CFAP299: variants seen among roughly 807,000 people sequenced by gnomAD.
CFAP299 encodes cilia and flagella associated protein 299, also known as cilia- and flagella-associated protein 299.
A neutral mutation model predicts 27.0 loss-of-function variants in CFAP299; 21 were observed. The ratio of observed to expected loss-of-function variants is 0.78; its 90% CI spans 0.55 to 1.12. The LOEUF is 1.12. Ranked by LOEUF, CFAP299 falls within the 50% of genes most tolerant of loss-of-function variation. The pLI, the probability that CFAP299 is intolerant of heterozygous loss-of-function variation, is 0.00. For missense variants in CFAP299, 310 were observed against 276.6 expected (o/e 1.12, Z -0.86); for synonymous variants, 104 against 98.1 (o/e 1.06, Z -0.36).
chr4:80,541,125 A>G (rs920349261), intron 2 of CFAP299, among the ~76,000 whole-genome samples: 2 of 133,522 alleles, frequency 1.5e-5, no homozygotes, highest in African/African-American at 7.1e-5. Flanking sequence ...ATACTATTTT[A>G]TGTGATTTAG....
intron 5 of CFAP299, among the ~76,000 whole-genome samples, chr4:80,958,595 T>C (rs1738181942): frequency 6.6e-6 from 1 of 152,152 alleles, no homozygotes; most frequent in Non-Finnish European, 1.5e-5. Flanking sequence ...TTCTTATTTA[T>C]CTGAAAAATG....
At chr4:80,520,185 A>G (rs1260129918) in intron 2 of CFAP299, among the ~76,000 whole-genome samples, 1 of 152,166 alleles carries the variant, frequency 6.6e-6, no homozygotes, top group East Asian at 1.9e-4. Context: ...CTAATGGGCT[A>G]ACTTATTTTA....
At chr4:80,950,255 C>T (rs546905911) in intron 5 of CFAP299, among the ~76,000 whole-genome samples, 1 of 150,034 alleles carries the variant, frequency 6.7e-6, no homozygotes, top group South Asian at 2.1e-4. Flanking sequence ...TTCCCTCCAC[C>T]CCCCCCCTTT....
At chr4:80,467,177 G>A (rs943308082) in intron 2 of CFAP299, among the ~76,000 whole-genome samples, 4 of 152,124 alleles carry the variant, frequency 2.6e-5, no homozygotes, top group Non-Finnish European at 5.9e-5. Flanking sequence ...TCTCATATTT[G>A]TTGTCTGCTA....
chr4:80,751,633 G>A (rs1320065523), intron 3 of CFAP299, among the ~76,000 whole-genome samples: 1 of 152,158 alleles, frequency 6.6e-6, no homozygotes, highest in Non-Finnish European at 1.5e-5. Flanking sequence ...AGGCAGCTGT[G>A]CTGTTGTGGG....
At chr4:80,660,257 A>G (rs1168165461) in intron 3 of CFAP299, among the ~76,000 whole-genome samples, 1 of 152,176 alleles carries the variant, frequency 6.6e-6, no homozygotes, top group Admixed American at 6.5e-5. Context: ...CAACAAATCA[A>G]TAGCATAGAA....
intron 2 of CFAP299, among the ~76,000 whole-genome samples, chr4:80,486,617 G>A (rs1168160870): frequency 1.3e-5 from 2 of 152,176 alleles, no homozygotes; most frequent in Non-Finnish European, 1.5e-5. Flanking sequence ...CTCTCACCCC[G>A]TTAGGGTTCT....
At chr4:80,688,861 G>T (rs1398149379) in intron 3 of CFAP299, among the ~76,000 whole-genome samples, 69 of 152,114 alleles carry the variant, frequency 4.5e-4, no homozygotes, top group African/African-American at 1.6e-3. Flanking sequence ...AGCTGATGGA[G>T]CTGAAAACCA....
intron 2 of CFAP299, among the ~76,000 whole-genome samples, chr4:80,429,100 C>T (rs544943898): frequency 1.9e-4 from 29 of 152,272 alleles, no homozygotes; most frequent in African/African-American, 6.0e-4. Flanking sequence ...CTTTCTCTGG[C>T]AAATTGCCTG....
rs1308761965 is a variant in CFAP299, at chr4:80,386,707, G to T, written c.242+23823G>T. On this transcript the variant is annotated intron_variant, in intron 2 of 5. Transcript: ENST00000358105. ...GGCTGAAGGACCTGCTGCACAGGGC[G>T]CATTTGTGGAGCTTCATGCCGGAGT... is the stretch of plus-strand genomic sequence containing the variant. 8 of 1,573,746 alleles carry T rather than the reference G, an allele frequency of 5.1e-6. No homozygotes were observed. The African/African-American group carries it at 8.1e-5, about 16-fold the overall frequency.
chr4:80,793,370 T>G (rs912774454), intron 3 of CFAP299, among the ~76,000 whole-genome samples: 1 of 152,096 alleles, frequency 6.6e-6, no homozygotes, highest in East Asian at 1.9e-4. Flanking sequence ...GATTAGATGG[T>G]GCCCACCCAG....
intron 3 of CFAP299, among the ~76,000 whole-genome samples, chr4:80,585,921 T>C (rs1310161445): frequency 1.3e-5 from 2 of 152,204 alleles, no homozygotes; most frequent in Non-Finnish European, 2.9e-5. Flanking sequence ...CTTGTTTTTA[T>C]GTAAGAAATA....
intron 3 of CFAP299, among the ~76,000 whole-genome samples, chr4:80,811,986 A>G (rs960497579): frequency 3.9e-5 from 6 of 152,142 alleles, no homozygotes; most frequent in Non-Finnish European, 7.4e-5. Context: ...AAAAGAAGCT[A>G]AAAGCCAAAA....
intron 2 of CFAP299, among the ~76,000 whole-genome samples, chr4:80,461,278 G>A (rs1176325713): frequency 6.6e-6 from 1 of 152,056 alleles, no homozygotes; most frequent in Admixed American, 6.6e-5. Context: ...GAAAAAGAAA[G>A]GAGGTTCTCT....
chr4:80,359,178 T>C (rs1723422139), intron 1 of CFAP299, among the ~76,000 whole-genome samples: 1 of 152,180 alleles, frequency 6.6e-6, no homozygotes, highest in Non-Finnish European at 1.5e-5. Flanking sequence ...GAGTTTCTGC[T>C]GAAAGGTCTG....
chr4:80,752,115 T>A (rs1206310824), intron 3 of CFAP299, among the ~76,000 whole-genome samples: 1 of 152,096 alleles, frequency 6.6e-6, no homozygotes, highest in Non-Finnish European at 1.5e-5. Flanking sequence ...TTTCAATCAC[T>A]CACTGCTTCC....
chr4:80,903,862 A>G (rs898791223), intron 4 of CFAP299, among the ~76,000 whole-genome samples: 1 of 152,168 alleles, frequency 6.6e-6, no homozygotes, highest in Non-Finnish European at 1.5e-5. Context: ...CCTCATTTAC[A>G]TAGGGATTCA....
At chr4:80,587,827 A>G (rs1015716252) in intron 3 of CFAP299, among the ~76,000 whole-genome samples, 10 of 152,202 alleles carry the variant, frequency 6.6e-5, no homozygotes, top group African/African-American at 2.2e-4. Flanking sequence ...CCTGGGCTCA[A>G]GTTATCCTCT....
the CFAP299 span, among the ~76,000 whole-genome samples, chr4:80,323,125 C>T: frequency 6.6e-6 from 1 of 152,208 alleles, no homozygotes; most frequent in African/African-American, 2.4e-5. Context: ...CAAATTTCAC[C>T]AGTAACACAA....
Sources: gnomAD v4.1 joint callset for allele counts (sites outside exome capture counted in the v4.1 genomes callset) on GRCh38, gnomAD v4.1.1 for gene constraint, MANE v1.5 for transcripts, NCBI Gene and HGNC (gene_info 2026-07-23, HGNC 2026-07-21) for gene names.